The following ADGRB3 variants were observed in gnomAD, a reference collection of about 807,000 sequenced individuals.
ADGRB3 encodes the protein brain-specific angiogenesis inhibitor 3.
Under a neutral mutation model 193.4 loss-of-function variants are expected in ADGRB3, and 37 were observed. That is an observed-to-expected ratio of 0.19 (90% confidence interval 0.15 to 0.25). The LOEUF is 0.25. Among genes scored for constraint, ADGRB3 ranks in the 10% least tolerant of loss-of-function variants. The pLI, the probability that ADGRB3 is intolerant of heterozygous loss-of-function variation, is 1.00. For missense variants in ADGRB3, 1,637 were observed against 1,852.9 expected (o/e 0.88, Z 2.14); for synonymous variants, 690 against 644.2 (o/e 1.07, Z -1.08).
chr6:68,901,050 T>G (rs1766381398), intron 3 of ADGRB3, among the ~76,000 whole-genome samples: 1 of 152,200 alleles, frequency 6.6e-6, no homozygotes, highest in Admixed American at 6.6e-5. Context: ...CCCAAGTCTA[T>G]ATTAGTTGTT....
chr6:69,162,862 C>G (rs1561938936), intron 17 of ADGRB3, among the ~76,000 whole-genome samples: 1 of 152,078 alleles, frequency 6.6e-6, no homozygotes, highest in Non-Finnish European at 1.5e-5. Flanking sequence ...AATTGAGACT[C>G]TGTATCAAGA....
At chr6:69,298,259 G>T (rs1767872113) in intron 20 of ADGRB3, among the ~76,000 whole-genome samples, 1 of 151,916 alleles carries the variant, frequency 6.6e-6, no homozygotes, top group Admixed American at 6.6e-5. Context: ...AGTGTGATAG[G>T]CCATCTGTGT....
chr6:69,325,085 G>A, intron 21 of ADGRB3, 63 bp downstream of exon 21: 6 of 1,530,988 alleles, frequency 3.9e-6, no homozygotes, highest in Non-Finnish European at 4.4e-6. Context: ...ACATTAGAAA[G>A]CAGTCATGAG....
At chr6:69,209,147 G>A (rs973355595) in intron 17 of ADGRB3, among the ~76,000 whole-genome samples, 1 of 152,162 alleles carries the variant, frequency 6.6e-6, no homozygotes, top group Non-Finnish European at 1.5e-5. Context: ...AAGTGGCAGA[G>A]GAGTTTGCAT....
chr6:68,861,405 CA>C (rs1222480089), intron 3 of ADGRB3, among the ~76,000 whole-genome samples: 3 of 151,910 alleles, frequency 2.0e-5, no homozygotes, highest in African/African-American at 4.8e-5. Context: ...ACTAAAAATA[CA>C]AAAAAATTAG....
chr6:68,869,999 G>T (rs764578695), intron 3 of ADGRB3, among the ~76,000 whole-genome samples: 1 of 152,132 alleles, frequency 6.6e-6, no homozygotes, highest in East Asian at 1.9e-4. Flanking sequence ...GACTTGTCTC[G>T]AACTCTTGAT....
intron 3 of ADGRB3, among the ~76,000 whole-genome samples, chr6:68,703,833 G>A (rs1765282519): frequency 6.6e-6 from 1 of 152,066 alleles, no homozygotes; most frequent in African/African-American, 2.4e-5. Context: ...GTGTTGGTCA[G>A]GATAGTCTCG....
At chr6:69,128,873 A>C (rs183917328) in intron 17 of ADGRB3, among the ~76,000 whole-genome samples, 15 of 152,292 alleles carry the variant, frequency 9.8e-5, no homozygotes, top group Admixed American at 9.8e-4. Flanking sequence ...ATCAACTTAG[A>C]TATATTGAAT....
At chr6:69,184,195 CTT>C (rs942904261) in intron 17 of ADGRB3, among the ~76,000 whole-genome samples, 3 of 152,202 alleles carry the variant, frequency 2.0e-5, no homozygotes, top group African/African-American at 7.2e-5. Flanking sequence ...ATCACTGACT[CTT>C]TATAGGCCCA....
chr6:68,643,880 C>T lies in ADGRB3; in HGVS notation c.757+4448C>T, dbSNP rs148825753. 8.9e-3 allele frequency among the ~76,000 whole-genome samples: 1,328 copies of T among 149,890 alleles called. 9 individuals are homozygous for T. Among genetic ancestry groups the T allele is most frequent in the Middle Eastern group, 0.044 (13 of 294 alleles). On this transcript the variant is annotated intron_variant, in intron 3 of 31. Transcript: ENST00000370598. ...CCTGGAGGCAGAGGTTACAGTGAGCCGAGATCGCACCACTGCACTCCAGCC... is the reference window on the plus strand; with the variant it reads ...CCTGGAGGCAGAGGTTACAGTGAGCTGAGATCGCACCACTGCACTCCAGCC...
intron 3 of ADGRB3, among the ~76,000 whole-genome samples, chr6:68,879,208 T>C (rs1765669614): frequency 1.3e-5 from 2 of 148,728 alleles, no homozygotes; most frequent in East Asian, 2.0e-4. Flanking sequence ...CTTTACTTTT[T>C]GTCGCTTTTT....
intron 3 of ADGRB3, among the ~76,000 whole-genome samples, chr6:68,736,224 G>T (rs557908858): frequency 2.0e-5 from 3 of 151,652 alleles, no homozygotes; most frequent in African/African-American, 4.8e-5. Flanking sequence ...TCTCTTTGTT[G>T]CCCAGGCTAA....
Position 69,101,135 on chromosome 6 carries a change from A to C in ADGRB3, c.2480+25097A>C, listed in dbSNP as rs544723525. Among the ~76,000 whole-genome samples, 13 of 151,998 alleles carry C rather than the reference A, an allele frequency of 8.6e-5. No individual in the cohort carries two copies. The South Asian group carries it at 2.5e-3, about 29-fold the overall frequency. On this transcript the variant is annotated intron_variant, in intron 17 of 31. Transcript: ENST00000370598. ...AGAACACTTAACCTTACCACTCTTT[A>C]GTGGTTTCTGTGATGTCTAACAACC...
At chr6:68,921,320 G>C (rs1767038157) in intron 3 of ADGRB3, among the ~76,000 whole-genome samples, 1 of 152,130 alleles carries the variant, frequency 6.6e-6, no homozygotes, top group Non-Finnish European at 1.5e-5. Context: ...TACAGAAAAA[G>C]ATGTAGCAGA....
chr6:69,280,089 G>A (rs1335900030), intron 20 of ADGRB3, among the ~76,000 whole-genome samples: 1 of 152,186 alleles, frequency 6.6e-6, no homozygotes, highest in Non-Finnish European at 1.5e-5. Flanking sequence ...AGAGCAAGGA[G>A]GAAGGGAAAG....
chr6:68,929,741 G>A (rs913244192), intron 3 of ADGRB3, among the ~76,000 whole-genome samples: 4 of 152,162 alleles, frequency 2.6e-5, no homozygotes, highest in Non-Finnish European at 5.9e-5. Flanking sequence ...AGAATTCTAA[G>A]AATATGAATT....
intron 16 of ADGRB3, among the ~76,000 whole-genome samples, chr6:69,067,942 AC>A (rs1303897141): frequency 3.9e-5 from 6 of 152,134 alleles, no homozygotes; most frequent in Non-Finnish European, 8.8e-5. Flanking sequence ...GGGTCAGCAA[AC>A]TTTTTTAGAT....
In ADGRB3 at chr6:68,689,601, G is replaced by C. The variant is rs369259793; in HGVS notation, c.757+50169G>C. 3.3e-5 allele frequency among the ~76,000 whole-genome samples: 5 copies of C among 152,140 alleles called. No homozygotes were observed. The East Asian group carries it at 5.8e-4, about 18-fold the overall frequency. ...TCAGTAATTCAAACTCCATGAAAAA[G>C]AGAGCAAAATTGACATAGATTTTTG... On this transcript the variant is annotated intron_variant, in intron 3 of 31. Transcript: ENST00000370598.
At chr6:69,169,983 G>C (rs1455018349) in intron 17 of ADGRB3, among the ~76,000 whole-genome samples, 2 of 152,224 alleles carry the variant, frequency 1.3e-5, no homozygotes, top group East Asian at 3.9e-4. Flanking sequence ...ATTCTACCAC[G>C]AAGTCAGATC....
Sources: gnomAD v4.1 joint callset for allele counts (sites outside exome capture counted in the v4.1 genomes callset) on GRCh38, gnomAD v4.1.1 for gene constraint, MANE v1.5 for transcripts, NCBI Gene and HGNC (gene_info 2026-07-23, HGNC 2026-07-21) for gene names.